The following PPP2R2B variants were observed in gnomAD, a reference collection of about 807,000 sequenced individuals.
PPP2R2B encodes serine/threonine-protein phosphatase 2A 55 kDa regulatory subunit B beta isoform.
PPP2R2B carries 5 observed loss-of-function variants against 46.0 expected under a neutral mutation model. That is an observed-to-expected ratio of 0.11 (90% confidence interval 0.06 to 0.23). The LOEUF (loss-of-function observed/expected upper bound fraction) is 0.23, where lower values mean the gene tolerates loss of function less well. Among genes scored for constraint, PPP2R2B ranks in the 10% least tolerant of loss-of-function variants. The probability of loss-of-function intolerance (pLI) is 1.00; values close to 1 mark genes in which losing one functional copy is unlikely to be tolerated. For missense variants in PPP2R2B, 367 were observed against 575.0 expected (o/e 0.64, Z 3.70); for synonymous variants, 215 against 206.7 (o/e 1.04, Z -0.34).
At chr5:146,778,144 G>T (rs139858367) in intron 2 of PPP2R2B, among the ~76,000 whole-genome samples, 4 of 152,182 alleles carry the variant, frequency 2.6e-5, no homozygotes, top group African/African-American at 9.6e-5. Context: ...TTGGGTTCCG[G>T]CATTCCTGAT....
intron 7 of PPP2R2B, among the ~76,000 whole-genome samples, chr5:146,601,597 G>A (rs1771793202): frequency 6.6e-6 from 1 of 152,164 alleles, no homozygotes; most frequent in South Asian, 2.1e-4. Context: ...ACTGCCTTGG[G>A]TCTAAGCCTG....
chr5:146,740,357 T>A lies in PPP2R2B; in HGVS notation c.71-39215A>T, dbSNP rs890257364. Among the ~76,000 whole-genome samples, 8 of 152,252 alleles carry A rather than the reference T, an allele frequency of 5.3e-5. No homozygotes were observed. The South Asian group carries it at 1.0e-3, about 20-fold the overall frequency. On this transcript the variant is annotated intron_variant, in intron 2 of 9. Transcript: ENST00000394411. ...CTAAGTTACTAAGAGCACCTGATAG[T>A]TAACCCAGTCTTTAAAGAAGAGTGC... is the stretch of plus-strand genomic sequence containing the variant.
chr5:146,955,159 T>C (rs896575395), intron 1 of PPP2R2B, among the ~76,000 whole-genome samples: 1 of 152,160 alleles, frequency 6.6e-6, no homozygotes, highest in African/African-American at 2.4e-5. Context: ...CTACCAATTG[T>C]GCTAAAATAT....
chr5:146,813,431 GC>G (rs1236314693), intron 2 of PPP2R2B, among the ~76,000 whole-genome samples: 1 of 152,076 alleles, frequency 6.6e-6, no homozygotes, highest in Non-Finnish European at 1.5e-5. Context: ...CAAATAGTAT[GC>G]CCCTCCAAAA....
chr5:146,733,245 T>C (rs1561865436), intron 2 of PPP2R2B, among the ~76,000 whole-genome samples: 1 of 152,172 alleles, frequency 6.6e-6, no homozygotes, highest in Non-Finnish European at 1.5e-5. Flanking sequence ...AAACTTCCAG[T>C]ATTTCCAAAG....
intron 2 of PPP2R2B, among the ~76,000 whole-genome samples, chr5:146,791,782 A>G (rs1355474183): frequency 6.6e-6 from 1 of 152,134 alleles, no homozygotes; most frequent in Non-Finnish European, 1.5e-5. Context: ...ACTACTATTT[A>G]TTATACCAGA....
chr5:146,608,198 T>C (rs578148790), intron 7 of PPP2R2B, among the ~76,000 whole-genome samples: 1 of 152,250 alleles, frequency 6.6e-6, no homozygotes, highest in South Asian at 2.1e-4. Context: ...GGGTGATCAA[T>C]GCATTTTTGT....
At chr5:146,840,270 G>A (rs116152718) in intron 2 of PPP2R2B, among the ~76,000 whole-genome samples, 3,140 of 152,184 alleles carry the variant, frequency 0.021, 51 homozygotes, top group Non-Finnish European at 0.03. Context: ...TCTGTGCCAG[G>A]CACGTTGTCC....
chr5:146,628,220 T>C (rs1014799435), intron 7 of PPP2R2B, among the ~76,000 whole-genome samples: 34 of 152,262 alleles, frequency 2.2e-4, no homozygotes, highest in African/African-American at 7.9e-4. Context: ...TCTGGGATTA[T>C]AGGTGTAAGC....
intron 7 of PPP2R2B, among the ~76,000 whole-genome samples, chr5:146,631,233 G>A (rs771877858): frequency 8.5e-5 from 13 of 152,088 alleles, no homozygotes; most frequent in Non-Finnish European, 1.2e-4. Flanking sequence ...ACCCGGTGGG[G>A]CTCTTCAGTC....
At chr5:146,823,118 T>C (rs369566019) in intron 2 of PPP2R2B, among the ~76,000 whole-genome samples, 1 of 152,300 alleles carries the variant, frequency 6.6e-6, no homozygotes, top group East Asian at 1.9e-4. Flanking sequence ...CCTGTTCTGG[T>C]TTCAATCTGG....
chr5:146,858,979 T>A (rs1760828267), intron 2 of PPP2R2B, among the ~76,000 whole-genome samples: 1 of 152,150 alleles, frequency 6.6e-6, no homozygotes, highest in Admixed American at 6.5e-5. Flanking sequence ...ATGTTAGTGG[T>A]CAGTGTCTTA....
In PPP2R2B at chr5:146,775,898, A is replaced by G. The variant is rs141924065; in HGVS notation, c.71-74756T>C. Among the ~76,000 whole-genome samples, 651 of 152,246 alleles carry G rather than the reference A, an allele frequency of 4.3e-3. 7 individuals carry two copies. The highest frequency in any genetic ancestry group is 0.015 in the African/African-American group (606 of 41,570). On this transcript the variant is annotated intron_variant, in intron 2 of 9. Coordinates refer to ENST00000394411, the MANE Select transcript of PPP2R2B (RefSeq NM_181675.4). ...TTACAATAGCATAAAAAATAATAAAATGCTTAGGAATAAATTTAACTAAGG... is the reference window on the plus strand; with the variant it reads ...TTACAATAGCATAAAAAATAATAAAGTGCTTAGGAATAAATTTAACTAAGG...
At chr5:146,802,534 T>A (rs1324117823) in intron 2 of PPP2R2B, among the ~76,000 whole-genome samples, 1 of 152,206 alleles carries the variant, frequency 6.6e-6, no homozygotes, top group Admixed American at 6.5e-5. Context: ...ATGAGTTATG[T>A]GAAAATGAAC....
intron 2 of PPP2R2B, among the ~76,000 whole-genome samples, chr5:146,811,927 C>T (rs1757577766): frequency 1.3e-5 from 2 of 152,018 alleles, no homozygotes; most frequent in African/African-American, 4.8e-5. Context: ...GCCTGACACA[C>T]TGTTCATTCA....
intron 1 of PPP2R2B, among the ~76,000 whole-genome samples, chr5:146,910,961 A>G (rs1173783237): frequency 6.6e-6 from 1 of 152,144 alleles, no homozygotes; most frequent in Non-Finnish European, 1.5e-5. Flanking sequence ...GGGCTTCTAC[A>G]TAGGCTGTTC....
At position 146,593,071 on chromosome 5, in the gene PPP2R2B, G is replaced by A. The variant is rs199518697; in HGVS notation, c.961-9C>T. 1 of 1,591,016 alleles carries A rather than the reference G, an allele frequency of 6.3e-7. No homozygotes were observed. Among genetic ancestry groups the A allele is most frequent in the South Asian group, 1.1e-5 (1 of 90,618 alleles). ...CGGAGGTAGTCATGAACCTGGAGAG[G>A]AAACATATCGAGAAGGTCAGTTATT... On this transcript the variant is annotated splice_polypyrimidine_tract_variant and intron_variant, in intron 8 of 9. Coordinates refer to ENST00000394411, the MANE Select transcript of PPP2R2B (RefSeq NM_181675.4).
At chr5:147,014,842 A>G (rs1157304270) in intron 1 of PPP2R2B, among the ~76,000 whole-genome samples, 1 of 152,078 alleles carries the variant, frequency 6.6e-6, no homozygotes, top group African/African-American at 2.4e-5. Context: ...TATGTAACTA[A>G]CCTGCACAAT....
chr5:147,044,273 T>C (rs1756449851), intron 1 of PPP2R2B, among the ~76,000 whole-genome samples: 1 of 152,132 alleles, frequency 6.6e-6, no homozygotes, highest in South Asian at 2.1e-4. Context: ...TTAGGCATAC[T>C]TGGCATTGTC....
Sources: gnomAD v4.1 joint callset for allele counts (sites outside exome capture counted in the v4.1 genomes callset) on GRCh38, gnomAD v4.1.1 for gene constraint, MANE v1.5 for transcripts, NCBI Gene and HGNC (gene_info 2026-07-23, HGNC 2026-07-21) for gene names.